HDAC9: variants seen among roughly 807,000 people sequenced by gnomAD.
HDAC9 encodes the protein histone deacetylase 9.
HDAC9 carries 41 observed loss-of-function variants against 139.4 expected under a neutral mutation model. The ratio of observed to expected loss-of-function variants is 0.29; its 90% CI spans 0.23 to 0.38. HDAC9 has a LOEUF of 0.38. Ranked by LOEUF, HDAC9 falls within the 10% of genes least tolerant of loss-of-function variation. HDAC9 has a pLI of 1.00. For synonymous variants in HDAC9, 517 were observed against 476.2 expected (o/e 1.09, Z -1.12); for missense variants, 1,147 against 1,297.0 (o/e 0.88, Z 1.78).
At chr7:18,793,039 C>G in intron 16 of HDAC9, 1 of 328,152 alleles carries the variant, frequency 3.0e-6, no homozygotes, top group Non-Finnish European at 5.9e-6. Flanking sequence ...CTATGTAATG[C>G]TGTTTGTAAT....
Position 18,138,205 on chromosome 7 carries a change from T to C in HDAC9, c.-96-24024T>C, listed in dbSNP as rs1159385371. Among the ~76,000 whole-genome samples the C allele has an allele frequency of 2.6e-5, 4 of 152,164 alleles. 1 individual carries two copies. The highest frequency in any genetic ancestry group is 1.9e-4 in the East Asian group (1 of 5,182). On this transcript the variant is annotated intron_variant, in intron 1 of 12. Transcript: ENST00000417496. ...TTTGATTCTTCTCTCTTTTTTTCTT[T>C]ATTAGTCTTGCTAGTGGTCTATCAA...
At chr7:18,349,775 T>C (rs776338486) in intron 1 of HDAC9, among the ~76,000 whole-genome samples, 4 of 152,104 alleles carry the variant, frequency 2.6e-5, no homozygotes, top group African/African-American at 4.8e-5. Flanking sequence ...AGAAAAAATA[T>C]GTCTTTCTAT....
chr7:18,999,837 TGAAA>T lies in HDAC9; in HGVS notation c.*3779_*3782del, dbSNP rs1372430613. ...AATGTTTACTCTCATCTTATCTCAATGAAAGAAGTATTAAAAGTCTTATGGCCCC... is the reference window on the plus strand; with the variant it reads ...AATGTTTACTCTCATCTTATCTCAATGAAGTATTAAAAGTCTTATGGCCCC... On this transcript the variant is annotated 3_prime_UTR_variant, in exon 26 of 26. Transcript: ENST00000686413. 5 of 152,194 alleles carry T rather than the reference TGAAA, an allele frequency of 3.3e-5. No homozygotes were observed. The highest frequency in any genetic ancestry group is 5.9e-5 in the Non-Finnish European group (4 of 68,030). 9.4% of individuals were successfully genotyped at this position (152,194 alleles called of 1,614,324 possible). A position where few individuals can be genotyped will look rare whatever the true frequency, so the allele number is the denominator to read the frequency against.
chr7:18,608,129 A>G (rs779524583), intron 6 of HDAC9, among the ~76,000 whole-genome samples: 2 of 152,192 alleles, frequency 1.3e-5, no homozygotes, highest in Non-Finnish European at 2.9e-5. Flanking sequence ...ATGCAAATGC[A>G]TGCATTTATA....
intron 23 of HDAC9, among the ~76,000 whole-genome samples, chr7:18,952,106 T>C (rs7779171): frequency 0.021 from 3,132 of 152,082 alleles, 104 homozygotes; most frequent in African/African-American, 0.072. Flanking sequence ...ATCCTCTAAA[T>C]GACATTCAAC....
At chr7:18,530,899 A>G (rs1041041051) in intron 2 of HDAC9, among the ~76,000 whole-genome samples, 1 of 151,624 alleles carries the variant, frequency 6.6e-6, no homozygotes, top group Non-Finnish European at 1.5e-5. Flanking sequence ...CGGTATATAA[A>G]GGCTTACAGT....
chr7:18,994,731 G>C (rs1177313012), intron 25 of HDAC9, among the ~76,000 whole-genome samples: 1 of 152,136 alleles, frequency 6.6e-6, no homozygotes, highest in Admixed American at 6.5e-5. Flanking sequence ...AGCACCTTTA[G>C]AGATGCATTG....
At chr7:18,108,611 CTTTTTTTTTTT>C (rs10708554) in intron 1 of HDAC9, among the ~76,000 whole-genome samples, 1 of 82,982 alleles carries the variant, frequency 1.2e-5, no homozygotes. Context: ...CACTCATCTC[CTTTTTTTTTTT>C]TTTTTTTTTT....
intron 13 of HDAC9, among the ~76,000 whole-genome samples, chr7:18,731,279 A>G (rs1231303138): frequency 6.6e-6 from 1 of 152,148 alleles, no homozygotes; most frequent in Non-Finnish European, 1.5e-5. Flanking sequence ...ATACGATCTC[A>G]CATTCTCAAT....
At chr7:18,120,412 A>G (rs1784295755) in intron 1 of HDAC9, among the ~76,000 whole-genome samples, 1 of 152,326 alleles carries the variant, frequency 6.6e-6, no homozygotes, top group Non-Finnish European at 1.5e-5. Flanking sequence ...AAATTCTTCA[A>G]TGTCAAGCCA....
intron 13 of HDAC9, among the ~76,000 whole-genome samples, chr7:18,743,225 C>G (rs765879790): frequency 5.9e-5 from 9 of 152,140 alleles, no homozygotes; most frequent in Non-Finnish European, 1.0e-4. Flanking sequence ...AATGGCAACA[C>G]TTAATCTAAT....
At chr7:18,919,515 G>A (rs2214850) in intron 22 of HDAC9, among the ~76,000 whole-genome samples, 125,295 of 151,890 alleles carry the variant, frequency 0.82, 52,022 homozygotes, top group Non-Finnish European at 0.88. Context: ...TTAAATGTTG[G>A]GATGTGTCTC....
intron 17 of HDAC9, among the ~76,000 whole-genome samples, chr7:18,805,195 G>A (rs1219380246): frequency 6.6e-6 from 1 of 152,228 alleles, no homozygotes; most frequent in Non-Finnish European, 1.5e-5. Context: ...GCAAGAGAAG[G>A]GGAAGGACAG....
chr7:18,953,295 T>C (rs1259194463), intron 23 of HDAC9, among the ~76,000 whole-genome samples: 1 of 152,146 alleles, frequency 6.6e-6, no homozygotes, highest in Non-Finnish European at 1.5e-5. Context: ...TGGGTCACAA[T>C]AGCTGGACAA....
chr7:18,770,700 ACT>A (rs1230194917), intron 16 of HDAC9, among the ~76,000 whole-genome samples: 2 of 152,056 alleles, frequency 1.3e-5, no homozygotes, highest in African/African-American at 4.8e-5. Context: ...TTGATAACAG[ACT>A]CTGCGCTTCT....
intron 22 of HDAC9, among the ~76,000 whole-genome samples, chr7:18,893,719 A>G (rs1381920925): frequency 6.6e-6 from 1 of 152,198 alleles, no homozygotes; most frequent in Non-Finnish European, 1.5e-5. Context: ...AGAGTACATT[A>G]GGAGTTCATG....
At chr7:18,958,575 T>A in intron 24 of HDAC9, among the ~76,000 whole-genome samples, 1 of 152,142 alleles carries the variant, frequency 6.6e-6, no homozygotes, top group East Asian at 1.9e-4. Flanking sequence ...CTTAGCACAA[T>A]CTTTTGATGG....
Position 18,251,132 on chromosome 7 carries a change from TA to T in HDAC9, c.25+88784del, listed in dbSNP as rs1794893361. Among the ~76,000 whole-genome samples the T allele has an allele frequency of 3.3e-5, 5 of 152,284 alleles. No homozygotes were observed. The South Asian group carries it at 1.0e-3, about 32-fold the overall frequency. The stretch of plus-strand genomic sequence containing the variant: ...AAATGACCATCAGTCATAGATTGGA[TA>T]GAGAAATTATGGTCCATATACAGCA... On this transcript the variant is annotated intron_variant, in intron 2 of 12. Coordinates refer to the HDAC9 transcript ENST00000417496.
chr7:18,160,286 G>A (rs1476665822), intron 1 of HDAC9, among the ~76,000 whole-genome samples: 2 of 152,132 alleles, frequency 1.3e-5, no homozygotes, highest in Non-Finnish European at 2.9e-5. Context: ...ATCAAATTGT[G>A]CCATTGAGAA....
Sources: gnomAD v4.1 joint callset for allele counts (sites outside exome capture counted in the v4.1 genomes callset) on GRCh38, gnomAD v4.1.1 for gene constraint, MANE v1.5 for transcripts, NCBI Gene and HGNC (gene_info 2026-07-23, HGNC 2026-07-21) for gene names.